GMEB1: variants seen among roughly 807,000 people sequenced by gnomAD.
GMEB1 encodes the protein glucocorticoid modulatory element-binding protein 1.
Under a neutral mutation model 52.4 loss-of-function variants are expected in GMEB1, and 6 were observed. The ratio of observed to expected loss-of-function variants is 0.11; its 90% CI spans 0.06 to 0.23. The LOEUF (loss-of-function observed/expected upper bound fraction) is 0.23. GMEB1 is among the 10% of genes least tolerant of loss of function. The pLI, the probability that GMEB1 is intolerant of heterozygous loss-of-function variation, is 1.00. For missense variants in GMEB1, 486 were observed against 685.6 expected (o/e 0.71, Z 3.25); for synonymous variants, 255 against 244.9 (o/e 1.04, Z -0.38).
intron 1 of GMEB1, 48 bp downstream of exon 1, chr1:28,668,887 CG>C (rs1215122593): frequency 2.4e-4 from 8 of 32,762 alleles, no homozygotes; most frequent in Non-Finnish European, 6.9e-4. Flanking sequence ...GGGGTGGGGG[CG>C]GGGGGGCGGG....
In GMEB1 at chr1:28,682,061, A is replaced by G. The variant is rs947800951; in HGVS notation, c.-30-1522A>G. On this transcript the variant is annotated intron_variant, in intron 1 of 9. Transcript: ENST00000373816. ...CATTGTGTGCCTACTCTGTTTGGGC[A>G]CAGTCGTAGTCATCTTTACATACTC... 2.6e-5 allele frequency among the ~76,000 whole-genome samples: 4 copies of G among 152,198 alleles called. No individual in the cohort carries two copies. In the South Asian group the frequency reaches 8.3e-4, roughly 32 times the overall value.
intron 2 of GMEB1, among the ~76,000 whole-genome samples, chr1:28,688,608 G>A (rs1329545047): frequency 6.6e-6 from 1 of 152,082 alleles, no homozygotes; most frequent in Non-Finnish European, 1.5e-5. Context: ...TACTTTGGAT[G>A]TAGTTTCTCT....
intron 1 of GMEB1, among the ~76,000 whole-genome samples, chr1:28,669,596 C>G (rs926280609): frequency 6.6e-6 from 1 of 151,940 alleles, no homozygotes; most frequent in Non-Finnish European, 1.5e-5. Flanking sequence ...GTGAGCAGGC[C>G]CAGGTCTCCC....
At chr1:28,678,560 C>T (rs1010380057) in intron 1 of GMEB1, among the ~76,000 whole-genome samples, 10 of 152,096 alleles carry the variant, frequency 6.6e-5, no homozygotes, top group South Asian at 4.1e-4. Context: ...CCGCCTGCCT[C>T]GGCCTCCCAA....
At chr1:28,694,330 A>G (rs1239636744) in intron 5 of GMEB1, among the ~76,000 whole-genome samples, 1 of 150,568 alleles carries the variant, frequency 6.6e-6, no homozygotes, top group African/African-American at 2.4e-5. Context: ...AGCTGGGACT[A>G]CAGGCGCGTG....
At chr1:28,668,509 G>A (rs1181310255), upstream of GMEB1, among the ~76,000 whole-genome samples, 1 of 152,098 alleles carries the variant, frequency 6.6e-6, no homozygotes, top group Non-Finnish European at 1.5e-5. Context: ...TTGTGGTTGA[G>A]GTGATTCTTT....
chr1:28,710,641 A>G lies in GMEB1; in HGVS notation c.990A>G (p.Thr330=). The change falls in exon 9 of 10, where the codon ACA becomes ACG. Residue 330 remains threonine, a splice_region_variant and synonymous_variant. Coordinates refer to ENST00000373816, the MANE Select transcript of GMEB1 (RefSeq NM_001319674.2). ...AAGAACAGTTTCTCTATACTCTGAC[A>G]GGTATGTATAAGTTATCGCTCTTCT... ...QGEEQFLYTL[T]DLERQLEEQK... 1 of 1,577,094 alleles carries G rather than the reference A, an allele frequency of 6.3e-7. No homozygotes were observed.
At chr1:28,699,798 G>A (rs1353147432) in intron 6 of GMEB1, among the ~76,000 whole-genome samples, 6 of 151,308 alleles carry the variant, frequency 4.0e-5, no homozygotes, top group Non-Finnish European at 8.8e-5. Context: ...TTAATGGCTG[G>A]GCATGGTGGG....
At chr1:28,710,916 T>C (rs766556990) in intron 9 of GMEB1, among the ~76,000 whole-genome samples, 3 of 152,098 alleles carry the variant, frequency 2.0e-5, no homozygotes, top group Non-Finnish European at 4.4e-5. Flanking sequence ...TCAATAACAT[T>C]GGTGGCAGAA....
chr1:28,688,730 A>G (rs1279030801), intron 2 of GMEB1, among the ~76,000 whole-genome samples: 1 of 136,834 alleles, frequency 7.3e-6, no homozygotes, highest in Non-Finnish European at 1.6e-5. Flanking sequence ...CACCACCCCC[A>G]GCAAAATACA....
At chr1:28,668,366 T>C (rs1668697983), upstream of GMEB1, among the ~76,000 whole-genome samples, 1 of 152,032 alleles carries the variant, frequency 6.6e-6, no homozygotes, top group African/African-American at 2.4e-5. Context: ...TATGCAGATC[T>C]TCTGATTGCA....
At chr1:28,675,636 C>T (rs1363093131) in intron 1 of GMEB1, among the ~76,000 whole-genome samples, 4 of 150,156 alleles carry the variant, frequency 2.7e-5, no homozygotes, top group African/African-American at 4.9e-5. Context: ...GCGGAGATCC[C>T]GCCACTGCAC....
Position 28,712,704 on chromosome 1 carries a change from A to C in GMEB1, c.992-1369A>C, listed in dbSNP as rs151269533. On this transcript the variant is annotated intron_variant, in intron 9 of 9. Coordinates refer to ENST00000373816, the MANE Select transcript of GMEB1 (RefSeq NM_001319674.2). ...TGTGGTGTTGCATGCCTGTAGTCCC[A>C]TCTACTCGGGAGGCTGAGGCAGGAG... 7.8e-3 allele frequency among the ~76,000 whole-genome samples: 1,180 copies of C among 152,186 alleles called. 10 individuals are homozygous for C. Among genetic ancestry groups the C allele is most frequent in the African/African-American group, 0.026 (1,080 of 41,522 alleles).
intron 2 of GMEB1, among the ~76,000 whole-genome samples, chr1:28,686,884 AGCCTGT>A (rs953534741): frequency 1.4e-4 from 21 of 152,242 alleles, no homozygotes; most frequent in Admixed American, 1.2e-3. Flanking sequence ...GGGACCTCTT[AGCCTGT>A]GCTCAAGGGG....
intron 8 of GMEB1, among the ~76,000 whole-genome samples, chr1:28,708,380 G>T (rs1227062153): frequency 6.6e-6 from 1 of 151,170 alleles, no homozygotes; most frequent in Non-Finnish European, 1.5e-5. Flanking sequence ...TAGCCAGGAT[G>T]GTCTCGATCT....
intron 4 of GMEB1, 142 bp from the exon 5 acceptor site, chr1:28,692,793 CAATAGTA>C (rs1191665971): frequency 2.4e-6 from 1 of 414,034 alleles, no homozygotes; most frequent in Admixed American, 4.1e-5. Context: ...TTCTCTAACA[CAATAGTA>C]CAGGAGGTTG....
At chr1:28,696,198 C>T (rs904011128) in intron 5 of GMEB1, among the ~76,000 whole-genome samples, 5 of 151,782 alleles carry the variant, frequency 3.3e-5, no homozygotes, top group African/African-American at 1.2e-4. Flanking sequence ...TCCCAATTAG[C>T]TGGGACTACA....
intron 8 of GMEB1, among the ~76,000 whole-genome samples, chr1:28,705,160 C>T (rs1460343173): frequency 2.0e-5 from 3 of 150,300 alleles, no homozygotes; most frequent in South Asian, 2.1e-4. Flanking sequence ...AGGCCGAGAC[C>T]GGCGGATTAC....
chr1:28,679,046 C>T (rs1669281513), intron 1 of GMEB1, among the ~76,000 whole-genome samples: 1 of 151,654 alleles, frequency 6.6e-6, no homozygotes, highest in Non-Finnish European at 1.5e-5. Flanking sequence ...GCTAATTATG[C>T]CTGGCTAATT....
Sources: gnomAD v4.1 joint callset for allele counts (sites outside exome capture counted in the v4.1 genomes callset) on GRCh38, gnomAD v4.1.1 for gene constraint, MANE v1.5 for transcripts, NCBI Gene and HGNC (gene_info 2026-07-23, HGNC 2026-07-21) for gene names.